The following HECW1 variants were observed in gnomAD, a reference collection of about 807,000 sequenced individuals.
HECW1 encodes HECT, C2 and WW domain containing E3 ubiquitin protein ligase 1.
A neutral mutation model predicts 182.3 loss-of-function variants in HECW1; 61 were observed. The ratio of observed to expected loss-of-function variants is 0.33; its 90% CI spans 0.27 to 0.41. The LOEUF is 0.41. Ranked by LOEUF, HECW1 falls within the 10% of genes least tolerant of loss-of-function variation. HECW1 has a pLI of 1.00. For synonymous variants in HECW1, 859 were observed against 832.6 expected (o/e 1.03, Z -0.55); for missense variants, 1,739 against 2,108.9 (o/e 0.82, Z 3.44).
intron 11 of HECW1, among the ~76,000 whole-genome samples, chr7:43,450,588 A>G (rs2077199778): frequency 6.6e-6 from 1 of 152,164 alleles, no homozygotes; most frequent in Non-Finnish European, 1.5e-5. Context: ...CTCAAATCCT[A>G]CATATTGGAC....
At chr7:43,247,224 G>A (rs1159590320) in intron 3 of HECW1, among the ~76,000 whole-genome samples, 1 of 152,182 alleles carries the variant, frequency 6.6e-6, no homozygotes, top group Non-Finnish European at 1.5e-5. Flanking sequence ...ATGAAGGGAG[G>A]ACAATGGAAG....
chr7:43,143,619 C>G (rs992003876), intron 2 of HECW1, among the ~76,000 whole-genome samples: 6 of 152,104 alleles, frequency 3.9e-5, no homozygotes, highest in Non-Finnish European at 7.4e-5. Context: ...TCTCACTCCC[C>G]AGGATGAAGC....
intron 7 of HECW1, among the ~76,000 whole-genome samples, chr7:43,405,436 A>G (rs1002661940): frequency 6.6e-6 from 1 of 152,124 alleles, no homozygotes; most frequent in Non-Finnish European, 1.5e-5. Context: ...CAAAGTCTGG[A>G]GGAAGCCAGG....
intron 6 of HECW1, among the ~76,000 whole-genome samples, chr7:43,366,681 C>T (rs1816693530): frequency 6.6e-6 from 1 of 152,198 alleles, no homozygotes; most frequent in Admixed American, 6.5e-5. Context: ...TTCCAATAAA[C>T]ATCAATCACC....
intron 21 of HECW1, among the ~76,000 whole-genome samples, chr7:43,506,667 C>T (rs954995818): frequency 6.6e-6 from 1 of 152,104 alleles, no homozygotes; most frequent in Non-Finnish European, 1.5e-5. Flanking sequence ...CATGCCTGTA[C>T]TCCCAGCACT....
chr7:43,470,229 T>C (rs1178550449), intron 16 of HECW1, among the ~76,000 whole-genome samples: 1 of 152,116 alleles, frequency 6.6e-6, no homozygotes. Context: ...TGGTGATATG[T>C]ATTAGGGTGG....
Position 43,488,432 on chromosome 7 carries a change from AAGAGAAAGAAAG to A in HECW1, c.3235-3641_3235-3630del, listed in dbSNP as rs1460817390. Among the ~76,000 whole-genome samples the A allele has an allele frequency of 2.7e-4, 11 of 41,082 alleles. No individual in the cohort carries two copies. In the East Asian group the frequency reaches 2.8e-3, roughly 11 times the overall value. The allele number at this position is 41,082 out of a possible 152,430, so 27.0% of individuals were successfully genotyped here. A position where few individuals can be genotyped will look rare whatever the true frequency, so the allele number is the denominator to read the frequency against. The stretch of plus-strand genomic sequence containing the variant: ...AGAAAGAGAGAGAGAGAAAGAAAGA[AAGAGAAAGAAAG>A]AAAGAAAGAAAGAAAGAAAGAAAGA... On this transcript the variant is annotated intron_variant, in intron 17 of 29. Coordinates refer to ENST00000395891, the MANE Select transcript of HECW1 (RefSeq NM_015052.5).
At chr7:43,118,415 C>T (rs1367767881) in intron 2 of HECW1, 2 of 152,468 alleles carry the variant, frequency 1.3e-5, no homozygotes, top group African/African-American at 2.4e-5. Flanking sequence ...ATTCAGAGAT[C>T]TAGGTTAAGG....
intron 5 of HECW1, among the ~76,000 whole-genome samples, chr7:43,329,541 G>A (rs1811206485): frequency 6.6e-6 from 1 of 152,092 alleles, no homozygotes; most frequent in South Asian, 2.1e-4. Context: ...GCTTGGTGAG[G>A]AACTGGATGT....
chr7:43,481,626 T>C (rs2078436359), intron 17 of HECW1, among the ~76,000 whole-genome samples: 1 of 152,182 alleles, frequency 6.6e-6, no homozygotes, highest in South Asian at 2.1e-4. Context: ...GTTAATTTAA[T>C]ATCATTTAAA....
At chr7:43,385,309 T>C (rs2074748754) in intron 6 of HECW1, among the ~76,000 whole-genome samples, 1 of 107,538 alleles carries the variant, frequency 9.3e-6, no homozygotes, top group Non-Finnish European at 1.9e-5. Flanking sequence ...TCCCCTCCCC[T>C]CCTGCGTACT....
At chr7:43,179,865 CG>C (rs879578117) in intron 2 of HECW1, among the ~76,000 whole-genome samples, 68 of 152,062 alleles carry the variant, frequency 4.5e-4, no homozygotes, top group South Asian at 8.3e-4. Flanking sequence ...CCATGTAAAT[CG>C]ACCCTGAAAG....
chr7:43,210,231 G>T (rs980812224), intron 2 of HECW1, among the ~76,000 whole-genome samples: 1 of 152,160 alleles, frequency 6.6e-6, no homozygotes, highest in African/African-American at 2.4e-5. Flanking sequence ...TTTCATAGAA[G>T]TTGATGTGTC....
At chr7:43,289,564 G>A (rs1422525300) in intron 3 of HECW1, among the ~76,000 whole-genome samples, 1 of 152,234 alleles carries the variant, frequency 6.6e-6, no homozygotes, top group Non-Finnish European at 1.5e-5. Context: ...GGAGGAACGA[G>A]GACCCTGGGG....
intron 3 of HECW1, among the ~76,000 whole-genome samples, chr7:43,281,513 G>T (rs1186575281): frequency 6.6e-6 from 1 of 152,118 alleles, no homozygotes; most frequent in Non-Finnish European, 1.5e-5. Flanking sequence ...GGGAGAGCTG[G>T]AGTTTAAACC....
chr7:43,508,871 C>A, intron 23 of HECW1, 98 bp from the exon 24 acceptor site: 1 of 1,297,832 alleles, frequency 7.7e-7, no homozygotes, highest in South Asian at 1.4e-5. Context: ...CTTTCCCCAG[C>A]ACCCAACTCT....
chr7:43,471,389 C>G (rs1449857760), intron 16 of HECW1, among the ~76,000 whole-genome samples: 3 of 152,198 alleles, frequency 2.0e-5, no homozygotes, highest in Non-Finnish European at 4.4e-5. Flanking sequence ...GTCCTTGCCC[C>G]TCACCCTGGA....
intron 12 of HECW1, among the ~76,000 whole-genome samples, chr7:43,452,133 C>A (rs970822770): frequency 2.2e-4 from 33 of 152,202 alleles, no homozygotes; most frequent in Non-Finnish European, 4.6e-4. Flanking sequence ...TGATTTCTTT[C>A]TTTCTTTATA....
In HECW1 at chr7:43,182,076, G is replaced by A. The variant is rs192534840; in HGVS notation, c.-31-61799G>A. Among the ~76,000 whole-genome samples the A allele has an allele frequency of 2.3e-4, 35 of 152,244 alleles. No homozygotes were observed. The East Asian group carries it at 6.8e-3, about 29-fold the overall frequency. On this transcript the variant is annotated intron_variant, in intron 2 of 29. Coordinates refer to ENST00000395891, the MANE Select transcript of HECW1 (RefSeq NM_015052.5). ...TGGGATTACAGGCGTGAGCCACCGC[G>A]CCAGGCCTCTCATATTCTTTAAGTT...
Sources: gnomAD v4.1 joint callset for allele counts (sites outside exome capture counted in the v4.1 genomes callset) on GRCh38, gnomAD v4.1.1 for gene constraint, MANE v1.5 for transcripts, NCBI Gene and HGNC (gene_info 2026-07-23, HGNC 2026-07-21) for gene names.